MAK16: variants seen among roughly 807,000 people sequenced by gnomAD.
MAK16 encodes MAK16 homolog, also known as protein MAK16 homolog.
A neutral mutation model predicts 49.9 loss-of-function variants in MAK16; 12 were observed. That is an observed-to-expected ratio of 0.24 (90% confidence interval 0.15 to 0.39). The LOEUF is 0.39. MAK16 is among the 10% of genes least tolerant of loss of function. The pLI, the probability that MAK16 is intolerant of heterozygous loss-of-function variation, is 1.00. For missense variants in MAK16, 292 were observed against 363.7 expected (o/e 0.80, Z 1.60); for synonymous variants, 115 against 126.4 (o/e 0.91, Z 0.60).
intron 6 of MAK16, 89 bp downstream of exon 6, chr8:33,490,428 G>A: frequency 1.0e-6 from 1 of 980,282 alleles, no homozygotes; most frequent in South Asian, 1.4e-5. Context: ...GTAAACTGTT[G>A]AGGCCTTGGA....
chr8:33,497,872 G>A (rs1266122082), intron 9 of MAK16, among the ~76,000 whole-genome samples: 1 of 151,236 alleles, frequency 6.6e-6, no homozygotes, highest in Non-Finnish European at 1.5e-5. Flanking sequence ...GAGGTGGGCG[G>A]ATCACATGAG....
Position 33,489,311 on chromosome 8 carries a change from A to C in MAK16, c.392+172A>C. 1.7e-6 allele frequency: 1 copy of C among 588,370 alleles called. No individual in the cohort carries two copies. The highest frequency in any genetic ancestry group is 2.3e-5 in the South Asian group (1 of 44,116). The allele number at this position is 588,370 out of a possible 1,614,324, so 36.4% of individuals were successfully genotyped here. On this transcript the variant is annotated intron_variant, in intron 5 of 9. Transcript: ENST00000360128. This position sits in a 1 kb window ranked among gnomAD's most constrained non-coding sequence, Gnocchi z 4.2. Reference sequence around the variant, plus strand: ...AAGGTGTGCCCTTTGATATGGCAGGACTTTTAAAACAGTAGAATACAACTT... The same window carrying C: ...AAGGTGTGCCCTTTGATATGGCAGGCCTTTTAAAACAGTAGAATACAACTT...
chr8:33,495,589 A>G lies in MAK16; in HGVS notation c.495A>G (p.Glu165=). The G allele has an allele frequency of 1.2e-6, 2 of 1,612,780 alleles. No homozygotes were observed. ...AGCTGGACAATGCCATTGAGAAGGA[A>G]TTACTGGAGAGACTGAAACAAGATA... ...AAQLDNAIEK[E]LLERLKQDTY... The change falls in exon 7 of 10, where the codon GAA becomes GAG. Residue 165 remains glutamate, a synonymous_variant. Transcript: ENST00000360128.
At position 33,498,479 on chromosome 8, in the gene MAK16, A is replaced by G. The variant is rs539305964; in HGVS notation, c.753A>G (p.Lys251=). 6.2e-7 allele frequency: 1 copy of G among 1,613,996 alleles called. No individual in the cohort carries two copies. The highest frequency in any genetic ancestry group is 1.3e-5 in the African/African-American group (1 of 74,984). ...GCAGTGATGAAGATCAGGATGGTAA[A>G]TCCTCCAGTGAGGAGGAGGAAGAAA... ...DASSDEDQDG[K]SSSEEEEEKA... is the part of the protein sequence containing the mutation. Residue 251 remains lysine (K), a synonymous_variant, in exon 10 of 10, where the codon AAA becomes AAG. Transcript: ENST00000360128.
At chr8:33,497,371 G>A in intron 9 of MAK16, 74 bp downstream of exon 9, 7 of 1,160,912 alleles carry the variant, frequency 6.0e-6, no homozygotes, top group Non-Finnish European at 8.8e-6. Context: ...CAGGGAGGTG[G>A]CCAGGCACCG....
In MAK16 at chr8:33,500,061, G is replaced by T; in HGVS notation, c.*1432G>T. 3.2e-6 allele frequency: 1 copy of T among 310,720 alleles called. No individual in the cohort carries two copies. The highest frequency in any genetic ancestry group is 9.8e-4 in the Middle Eastern group (1 of 1,020). 19.2% of individuals were successfully genotyped at this position (310,720 alleles called of 1,614,324 possible). On this transcript the variant is annotated 3_prime_UTR_variant, in exon 10 of 10. Coordinates refer to ENST00000360128, the MANE Select transcript of MAK16 (RefSeq NM_032509.4). ...AATTTTACAAACTTTTGATCATAAT[G>T]CTTTTGCCCATACTGTCTCGTCCTT...
At position 33,499,995 on chromosome 8, in the gene MAK16, T is replaced by G. The variant is rs1809006205; in HGVS notation, c.*1366T>G. ...CCTGGGAGCTTATAGCCCATTATTT[T>G]TACTTTTTTTTTTTAATTCAGAAGA... On this transcript the variant is annotated 3_prime_UTR_variant, in exon 10 of 10. Coordinates refer to ENST00000360128, the MANE Select transcript of MAK16 (RefSeq NM_032509.4). 5.5e-6 allele frequency: 1 copy of G among 182,372 alleles called. No homozygotes were observed. Among genetic ancestry groups the G allele is most frequent in the Non-Finnish European group, 1.1e-5 (1 of 87,216 alleles). The allele number at this position is 182,372 out of a possible 1,614,324, so 11.3% of individuals were successfully genotyped here.
chr8:33,490,270 T>C lies in MAK16; in HGVS notation c.393-15T>C. 1 of 1,607,496 alleles carries C rather than the reference T, an allele frequency of 6.2e-7. No individual in the cohort carries two copies. The highest frequency in any genetic ancestry group is 8.5e-7 in the Non-Finnish European group (1 of 1,174,564). ...ACATGACAGTGGATTTTCTGATATA[T>C]TTTCTTTCCCTTAGGAGGAAACTTG... On this transcript the variant is annotated splice_polypyrimidine_tract_variant and intron_variant, in intron 5 of 9. Coordinates refer to ENST00000360128, the MANE Select transcript of MAK16 (RefSeq NM_032509.4).
intron 5 of MAK16, 36 bp from the exon 6 acceptor site, chr8:33,490,249 G>T: frequency 6.4e-7 from 1 of 1,556,286 alleles, no homozygotes; most frequent in South Asian, 1.1e-5. Context: ...CACAGCACAT[G>T]ACAGTGGATT....
At chr8:33,491,086 C>T (rs35846153) in intron 6 of MAK16, among the ~76,000 whole-genome samples, 250 of 152,312 alleles carry the variant, frequency 1.6e-3, no homozygotes, top group Non-Finnish European at 2.5e-3. Context: ...ACCTCCGGTT[C>T]CATCCATGTT....
intron 9 of MAK16, 117 bp from the exon 10 acceptor site, chr8:33,498,315 A>G: frequency 1.2e-6 from 1 of 805,794 alleles, no homozygotes; most frequent in Non-Finnish European, 1.9e-6. Context: ...ACAATTTCTG[A>G]ACACAGACAT....
Position 33,499,492 on chromosome 8 carries a change from G to A in MAK16, c.*863G>A. On this transcript the variant is annotated 3_prime_UTR_variant, in exon 10 of 10. Coordinates refer to ENST00000360128, the MANE Select transcript of MAK16 (RefSeq NM_032509.4). ...TTGAAGGTGCTACTTTAAAAACTGT[G>A]TTAATGTACTTGCAAATCTCCTGCT... 4 of 470,106 alleles carry A rather than the reference G, an allele frequency of 8.5e-6. No individual in the cohort carries two copies. In the South Asian group the frequency reaches 1.0e-4, roughly 12 times the overall value. The allele number at this position is 470,106 out of a possible 1,614,324, so 29.1% of individuals were successfully genotyped here.
rs750824949 is a variant in MAK16 at position 33,498,439 on chromosome 8, A to G, written c.713A>G (p.Asp238Gly). The change falls in exon 10 of 10, where the codon GAT becomes GGT. Residue 238 changes from aspartate (D) to glycine (G), a missense_variant. Physicochemically the swap from Asp to Gly is moderately conservative, Grantham distance 94. Coordinates refer to ENST00000360128, the MANE Select transcript of MAK16 (RefSeq NM_032509.4). ...ESDISDFEDM[D>G]KLDASSDEDQ... The stretch of plus-strand genomic sequence containing the variant: ...TTTCTCTCCCCGTAATAGGATATGG[A>G]TAAACTGGATGCCAGCAGTGATGAA... 1 of 1,614,074 alleles carries G rather than the reference A, an allele frequency of 6.2e-7. No individual in the cohort carries two copies. Among genetic ancestry groups the G allele is most frequent in the Non-Finnish European group, 8.5e-7 (1 of 1,180,006 alleles).
intron 1 of MAK16, 81 bp downstream of exon 1, chr8:33,485,302 C>A: frequency 6.3e-7 from 1 of 1,578,236 alleles, no homozygotes; most frequent in Non-Finnish European, 8.7e-7. Flanking sequence ...AAAACGCGTA[C>A]GCAGCGGGTC....
chr8:33,492,160 C>G (rs1261926279), intron 6 of MAK16, among the ~76,000 whole-genome samples: 1 of 152,060 alleles, frequency 6.6e-6, no homozygotes, highest in Non-Finnish European at 1.5e-5. Context: ...CAGGTGTGCA[C>G]CACCATGCCT....
At chr8:33,495,429 G>A in intron 6 of MAK16, 113 bp from the exon 7 acceptor site, 2 of 851,718 alleles carry the variant, frequency 2.3e-6, no homozygotes, top group Non-Finnish European at 3.7e-6. Flanking sequence ...TTAGCAAGGA[G>A]GGGAAATAAT....
rs1011100983 is a variant in MAK16 at position 33,491,660 on chromosome 8, G to T, written c.447+1321G>T. On this transcript the variant is annotated intron_variant, in intron 6 of 9. Coordinates refer to ENST00000360128, the MANE Select transcript of MAK16 (RefSeq NM_032509.4). ...TTTTTTTTTTTTTTTTTGAGACAAG[G>T]TCTCACTCTATTGTCCAGGCTGGAG... 1.6e-4 allele frequency among the ~76,000 whole-genome samples: 21 copies of T among 131,904 alleles called. No individual in the cohort carries two copies. In the East Asian group the frequency reaches 4.6e-3, roughly 29 times the overall value. The allele number at this position is 131,904 out of a possible 152,430, so 86.5% of individuals were successfully genotyped here.
In MAK16 at chr8:33,499,462, A is replaced by G. The variant is rs965728891; in HGVS notation, c.*833A>G. ...TTATTTTTAAATTTATATAGCTCTC[A>G]TGTATTGAAGGTGCTACTTTAAAAA... On this transcript the variant is annotated 3_prime_UTR_variant, in exon 10 of 10. Coordinates refer to ENST00000360128, the MANE Select transcript of MAK16 (RefSeq NM_032509.4). The G allele has an allele frequency of 1.1e-5, 6 of 547,838 alleles. No individual in the cohort carries two copies. Among genetic ancestry groups the G allele is most frequent in the Non-Finnish European group, 1.9e-5 (6 of 309,486 alleles). The allele number at this position is 547,838 out of a possible 1,614,324, so 33.9% of individuals were successfully genotyped here. A position where few individuals can be genotyped will look rare whatever the true frequency, so the allele number is the denominator to read the frequency against.
intron 7 of MAK16, among the ~76,000 whole-genome samples, chr8:33,495,937 A>T (rs368916259): frequency 6.5e-4 from 98 of 151,806 alleles, no homozygotes; most frequent in African/African-American, 2.2e-3. Context: ...GCTGGTCTTG[A>T]ACTCCTGACC....
Sources: allele counts gnomAD v4.1 joint callset (sites outside exome capture counted in the v4.1 genomes callset), GRCh38; gene constraint gnomAD v4.1.1; non-coding constraint Gnocchi (gnomAD v3.1); transcripts MANE v1.5; gene names NCBI Gene and HGNC (gene_info 2026-07-23, HGNC 2026-07-21).